The following GPHN variants were observed in gnomAD, a reference collection of about 807,000 sequenced individuals.
GPHN encodes gephyrin.
A neutral mutation model predicts 95.5 loss-of-function variants in GPHN; 17 were observed. The observed-to-expected ratio is 0.18, with a 90% confidence interval of 0.12 to 0.27. The LOEUF (loss-of-function observed/expected upper bound fraction) is 0.27. GPHN is among the 10% of genes least tolerant of loss of function. The pLI is 1.00. For missense variants in GPHN, 660 were observed against 978.1 expected (o/e 0.67, Z 4.34); for synonymous variants, 320 against 322.5 (o/e 0.99, Z 0.08).
chr14:66,603,735 G>C (rs1332619293), intron 1 of GPHN, among the ~76,000 whole-genome samples: 2 of 151,826 alleles, frequency 1.3e-5, no homozygotes, highest in Non-Finnish European at 2.9e-5. Context: ...TACTTGATAA[G>C]TTAGGTCACT....
intron 1 of GPHN, among the ~76,000 whole-genome samples, chr14:66,558,533 C>A (rs968551233): frequency 3.9e-5 from 6 of 151,998 alleles, no homozygotes; most frequent in African/African-American, 1.4e-4. Context: ...ATGTCATAGG[C>A]CTCCATTCAA....
the GPHN span, among the ~76,000 whole-genome samples, chr14:67,624,132 T>C: frequency 6.6e-6 from 1 of 152,194 alleles, no homozygotes. Context: ...GAGCAGTATA[T>C]CTGCACTCGA....
At chr14:66,601,049 G>A (rs929591652) in intron 1 of GPHN, among the ~76,000 whole-genome samples, 1 of 151,948 alleles carries the variant, frequency 6.6e-6, no homozygotes, top group Non-Finnish European at 1.5e-5. Flanking sequence ...ATCCTATGAG[G>A]TAGGTATTAT....
chr14:66,918,105 C>G (rs2153559146), intron 6 of GPHN, among the ~76,000 whole-genome samples: 1 of 152,260 alleles, frequency 6.6e-6, no homozygotes, highest in East Asian at 1.9e-4. Flanking sequence ...AGCTGTTATA[C>G]TCATGATTAT....
chr14:66,839,208 A>G (rs2061978583), intron 4 of GPHN, among the ~76,000 whole-genome samples: 1 of 152,242 alleles, frequency 6.6e-6, no homozygotes, highest in African/African-American at 2.4e-5. Flanking sequence ...GATGGTTGTC[A>G]GTTTCACTGA....
At chr14:67,301,992 TA>T in the GPHN span, 1 of 1,600,920 alleles carries the variant, frequency 6.2e-7, no homozygotes, top group Non-Finnish European at 8.5e-7. Flanking sequence ...TGGCCCACGA[TA>T]AGGTTGCTGA....
At chr14:66,840,596 G>T (rs1160315005) in intron 4 of GPHN, among the ~76,000 whole-genome samples, 1 of 144,926 alleles carries the variant, frequency 6.9e-6, no homozygotes, top group African/African-American at 2.8e-5. Flanking sequence ...AATGAGCCTG[G>T]CTGTGCTCTA....
intron 4 of GPHN, among the ~76,000 whole-genome samples, chr14:66,856,988 C>A (rs1056631426): frequency 2.0e-5 from 3 of 151,798 alleles, no homozygotes; most frequent in Non-Finnish European, 4.4e-5. Context: ...ATCACAAAAA[C>A]CAACAAATAC....
intron 2 of GPHN, among the ~76,000 whole-genome samples, chr14:66,774,423 A>T (rs1566931043): frequency 6.6e-6 from 1 of 152,216 alleles, no homozygotes; most frequent in Non-Finnish European, 1.5e-5. Context: ...AGAAAAAAAA[A>T]TTTACTTTTA....
intron 1 of GPHN, among the ~76,000 whole-genome samples, chr14:66,535,240 A>C (rs888499343): frequency 6.6e-6 from 1 of 152,132 alleles, no homozygotes; most frequent in Non-Finnish European, 1.5e-5. Context: ...TTGAAAAAAA[A>C]ATTGCCCTTA....
At chr14:67,506,712 G>T in the GPHN span, among the ~76,000 whole-genome samples, 1 of 152,308 alleles carries the variant, frequency 6.6e-6, no homozygotes, top group African/African-American at 2.4e-5. Flanking sequence ...TGGGCCAGGA[G>T]TGGTGGCTCA....
intron 1 of GPHN, among the ~76,000 whole-genome samples, chr14:66,583,707 A>G (rs2061298390): frequency 6.6e-6 from 1 of 151,968 alleles, no homozygotes; most frequent in Non-Finnish European, 1.5e-5. Flanking sequence ...GATATGCGGC[A>G]TTATTTCTGA....
intron 10 of GPHN, among the ~76,000 whole-genome samples, chr14:67,046,074 C>A (rs780921717): frequency 2.0e-5 from 3 of 151,462 alleles, no homozygotes; most frequent in Non-Finnish European, 2.9e-5. Context: ...CATTCTATCT[C>A]GATTTTTTTT....
intron 1 of GPHN, among the ~76,000 whole-genome samples, chr14:66,617,601 T>C (rs973925554): frequency 7.2e-5 from 11 of 152,204 alleles, no homozygotes; most frequent in African/African-American, 1.2e-4. Context: ...CACAGTCTTA[T>C]TATGATTCTT....
the GPHN span, chr14:67,380,702 C>A: frequency 6.3e-7 from 1 of 1,583,302 alleles, no homozygotes; most frequent in Non-Finnish European, 8.6e-7. Context: ...TGAAGATGAA[C>A]GGGAAGTACT....
chr14:67,035,726 A>G (rs2074389385), intron 10 of GPHN, among the ~76,000 whole-genome samples: 1 of 151,814 alleles, frequency 6.6e-6, no homozygotes. Flanking sequence ...TATAACCATT[A>G]AGGATATTGA....
intron 1 of GPHN, among the ~76,000 whole-genome samples, chr14:66,579,943 A>G (rs1331424469): frequency 6.6e-6 from 1 of 151,870 alleles, no homozygotes; most frequent in African/African-American, 2.4e-5. Flanking sequence ...GCATATGCTA[A>G]ACATTCTCCA....
chr14:66,685,802 T>G (rs1421097030), intron 2 of GPHN, among the ~76,000 whole-genome samples: 1 of 152,226 alleles, frequency 6.6e-6, no homozygotes, highest in Non-Finnish European at 1.5e-5. Flanking sequence ...TTTGGTGTTT[T>G]AGACATGAAG....
chr14:67,246,185 A>G, the GPHN span, among the ~76,000 whole-genome samples: 1,611 of 152,106 alleles, frequency 0.011, 30 homozygotes, highest in African/African-American at 0.035. Flanking sequence ...CTCTCTGTCC[A>G]GGCTGGAGTG....
Sources: gnomAD v4.1 joint callset for allele counts (sites outside exome capture counted in the v4.1 genomes callset) on GRCh38, gnomAD v4.1.1 for gene constraint, MANE v1.5 for transcripts, NCBI Gene and HGNC (gene_info 2026-07-23, HGNC 2026-07-21) for gene names.